Variants in PTPRK observed in about 807,000 individuals in gnomAD.
PTPRK encodes protein tyrosine phosphatase receptor type K.
A neutral mutation model predicts 178.0 loss-of-function variants in PTPRK; 75 were observed. That is an observed-to-expected ratio of 0.42 (90% CI 0.35 to 0.51). The LOEUF is 0.51. Among genes scored for constraint, PTPRK ranks in the 20% least tolerant of loss-of-function variants. The pLI is 0.02. For missense variants in PTPRK, 1,441 were observed against 1,797.8 expected (o/e 0.80, Z 3.59); for synonymous variants, 637 against 620.6 (o/e 1.03, Z -0.39).
chr6:128,471,879 G>A (rs1850716278), intron 1 of PTPRK, among the ~76,000 whole-genome samples: 1 of 151,946 alleles, frequency 6.6e-6, no homozygotes, highest in Non-Finnish European at 1.5e-5. Context: ...TTGAGCTAAT[G>A]TATAATAAGA....
Position 128,179,132 on chromosome 6 carries a change from A to G in PTPRK, c.1162+5300T>C, listed in dbSNP as rs1171762637. On this transcript the variant is annotated intron_variant, in intron 7 of 29. Coordinates refer to ENST00000368226, the MANE Select transcript of PTPRK (RefSeq NM_002844.4). ...TTAATGTTTACGAGGAGGTAAAAACATGCAGTTTGCTCTCATTTTATTCAT... is the reference window on the plus strand; with the variant it reads ...TTAATGTTTACGAGGAGGTAAAAACGTGCAGTTTGCTCTCATTTTATTCAT... Among the ~76,000 whole-genome samples the G allele has an allele frequency of 2.6e-5, 4 of 151,976 alleles. No homozygotes were observed. In the East Asian group the frequency reaches 7.7e-4, roughly 29 times the overall value.
chr6:128,100,714 T>A (rs893248580), intron 7 of PTPRK, among the ~76,000 whole-genome samples: 4 of 151,924 alleles, frequency 2.6e-5, no homozygotes, highest in African/African-American at 9.7e-5. Flanking sequence ...AAAAGGAAAT[T>A]CCTCTTGATA....
At chr6:128,419,145 T>C (rs370142871) in intron 1 of PTPRK, among the ~76,000 whole-genome samples, 1 of 152,238 alleles carries the variant, frequency 6.6e-6, no homozygotes, top group East Asian at 1.9e-4. Flanking sequence ...GTTTTTGTTT[T>C]ACCACATGAT....
At chr6:127,976,022 T>G (rs529616307) in intron 27 of PTPRK, among the ~76,000 whole-genome samples, 4 of 152,106 alleles carry the variant, frequency 2.6e-5, no homozygotes, top group African/African-American at 9.6e-5. Context: ...GAATTTGTCA[T>G]GTAGTGGAAA....
intron 1 of PTPRK, among the ~76,000 whole-genome samples, chr6:128,491,030 T>C (rs1242718561): frequency 6.6e-6 from 1 of 152,216 alleles, no homozygotes; most frequent in Non-Finnish European, 1.5e-5. Flanking sequence ...GGCTTCAACA[T>C]ATGAATTTTG....
At chr6:128,091,342 T>G (rs933683860) in intron 7 of PTPRK, among the ~76,000 whole-genome samples, 2 of 152,204 alleles carry the variant, frequency 1.3e-5, no homozygotes, top group African/African-American at 4.8e-5. Flanking sequence ...GTTTTATATG[T>G]TTAGCTCTAT....
intron 14 of PTPRK, 126 bp from the exon 15 acceptor site, chr6:128,005,370 C>G (rs1277272151): frequency 2.6e-6 from 2 of 760,820 alleles, no homozygotes; most frequent in East Asian, 5.6e-5. Flanking sequence ...ACCCCAAGCA[C>G]TGGTCACAAT....
At chr6:128,241,650 C>A (rs950538205) in intron 4 of PTPRK, among the ~76,000 whole-genome samples, 1 of 152,160 alleles carries the variant, frequency 6.6e-6, no homozygotes, top group Non-Finnish European at 1.5e-5. Flanking sequence ...TGAATGCATG[C>A]AGTAATTGTT....
chr6:128,277,496 A>C (rs1469263501), intron 3 of PTPRK, among the ~76,000 whole-genome samples: 3 of 152,094 alleles, frequency 2.0e-5, no homozygotes, highest in Non-Finnish European at 4.4e-5. Context: ...ATCATATGTT[A>C]CTCTAATGCA....
Position 128,519,571 on chromosome 6 carries a change from G to T in PTPRK, c.100+688C>A, listed in dbSNP as rs1585057206. ...GCGCGAGTCAGGCTTCCTCCACCAG[G>T]CGCCCAGACCTCGATGCCCATGAAC... On this transcript the variant is annotated intron_variant, in intron 1 of 29. Coordinates refer to ENST00000368226, the MANE Select transcript of PTPRK (RefSeq NM_002844.4). This position sits in a 1 kb window ranked among gnomAD's most constrained non-coding sequence, Gnocchi z 4.3. Among the ~76,000 whole-genome samples, 1 of 152,206 alleles carries T rather than the reference G, an allele frequency of 6.6e-6. No homozygotes were observed.
intron 18 of PTPRK, among the ~76,000 whole-genome samples, chr6:127,994,599 T>C (rs879616243): frequency 5.9e-5 from 9 of 151,862 alleles, no homozygotes; most frequent in Non-Finnish European, 1.3e-4. Flanking sequence ...GTCTTCCTTA[T>C]AGGTAATGTA....
At chr6:128,494,700 G>A (rs973569862) in intron 1 of PTPRK, among the ~76,000 whole-genome samples, 8 of 152,312 alleles carry the variant, frequency 5.3e-5, no homozygotes, top group African/African-American at 1.9e-4. Context: ...GCACCACGCC[G>A]TCATGCAATC....
At chr6:128,298,531 G>A (rs1824925899) in intron 3 of PTPRK, among the ~76,000 whole-genome samples, 1 of 151,938 alleles carries the variant, frequency 6.6e-6, no homozygotes, top group African/African-American at 2.4e-5. Flanking sequence ...ATGATCAAGT[G>A]GGCTTCATCC....
chr6:128,305,723 T>C (rs1279738600), intron 3 of PTPRK, among the ~76,000 whole-genome samples: 2 of 152,190 alleles, frequency 1.3e-5, no homozygotes, highest in Non-Finnish European at 2.9e-5. Context: ...ATTAATAGCA[T>C]CCTTTAAACT....
chr6:128,389,024 A>G (rs1191534430), intron 2 of PTPRK, among the ~76,000 whole-genome samples: 1 of 152,190 alleles, frequency 6.6e-6, no homozygotes, highest in African/African-American at 2.4e-5. Context: ...TTTTATTCTC[A>G]TAAACCTAGA....
intron 2 of PTPRK, among the ~76,000 whole-genome samples, chr6:128,350,356 A>C (rs1281629964): frequency 2.6e-5 from 4 of 152,224 alleles, no homozygotes; most frequent in Non-Finnish European, 5.9e-5. Context: ...GTTGGAGTGC[A>C]AAAGTAGAAG....
chr6:127,979,780 T>C lies in PTPRK; in HGVS notation c.3711+1336A>G, dbSNP rs114290252. 6.6e-3 allele frequency among the ~76,000 whole-genome samples: 1,006 copies of C among 152,328 alleles called. 12 individuals carry two copies. The highest frequency in any genetic ancestry group is 0.023 in the African/African-American group (972 of 41,570). ...GAAAGAAATGAACCGTGGCTTCTAA[T>C]TTCTCCTTGATATGGTTTCATAGGA... On this transcript the variant is annotated intron_variant, in intron 25 of 29. Coordinates refer to ENST00000368226, the MANE Select transcript of PTPRK (RefSeq NM_002844.4).
At chr6:128,073,289 T>C (rs753051510) in intron 11 of PTPRK, among the ~76,000 whole-genome samples, 2 of 151,970 alleles carry the variant, frequency 1.3e-5, no homozygotes, top group Non-Finnish European at 1.5e-5. Flanking sequence ...GAAGTTTACA[T>C]TCTAGTGGGG....
chr6:128,480,389 C>T (rs1442611893), intron 1 of PTPRK, among the ~76,000 whole-genome samples: 1 of 141,414 alleles, frequency 7.1e-6, no homozygotes, highest in Non-Finnish European at 1.5e-5. Context: ...CTCCCAAACC[C>T]CTAGGCTCAT....
Sources: gnomAD v4.1 joint callset for allele counts (sites outside exome capture counted in the v4.1 genomes callset) on GRCh38, gnomAD v4.1.1 for gene constraint, Gnocchi (gnomAD v3.1) non-coding constraint, MANE v1.5 for transcripts, NCBI Gene and HGNC (gene_info 2026-07-23, HGNC 2026-07-21) for gene names.